RBPMS: variants seen among roughly 807,000 people sequenced by gnomAD.
The protein encoded by RBPMS is RNA-binding protein with multiple splicing.
Under a neutral mutation model 26.8 loss-of-function variants are expected in RBPMS, and 7 were observed. The ratio of observed to expected loss-of-function variants is 0.26; its 90% CI spans 0.15 to 0.49. The LOEUF is 0.49. Ranked by LOEUF, RBPMS falls within the 20% of genes least tolerant of loss-of-function variation. The pLI is 0.98. For synonymous variants in RBPMS, 96 were observed against 93.3 expected (o/e 1.03, Z -0.17); for missense variants, 186 against 250.0 (o/e 0.74, Z 1.73).
intron 1 of RBPMS, among the ~76,000 whole-genome samples, chr8:30,385,919 G>A (rs1332496817): frequency 6.6e-6 from 1 of 152,208 alleles, no homozygotes; most frequent in Admixed American, 6.5e-5. Flanking sequence ...ACAAAATTGA[G>A]TAGATGTGGT....
At chr8:30,409,251 T>C (rs562496607) in intron 1 of RBPMS, among the ~76,000 whole-genome samples, 33 of 151,732 alleles carry the variant, frequency 2.2e-4, no homozygotes, top group Non-Finnish European at 4.1e-4. Context: ...TAGAGTGCAA[T>C]GGTGTGATCT....
chr8:30,555,893 C>CA (rs1826845586), intron 6 of RBPMS: 1 of 985,308 alleles, frequency 1.0e-6, no homozygotes, highest in African/African-American at 1.7e-5. Flanking sequence ...GTGATTAGCG[C>CA]GGAGCAGCTT....
chr8:30,514,069 C>T (rs1325647543), intron 5 of RBPMS, among the ~76,000 whole-genome samples: 4 of 152,076 alleles, frequency 2.6e-5, no homozygotes, highest in African/African-American at 9.7e-5. Context: ...GACAGTGGCA[C>T]CAAAATACAT....
chr8:30,499,418 T>C (rs1820323690), intron 4 of RBPMS, among the ~76,000 whole-genome samples: 1 of 152,176 alleles, frequency 6.6e-6, no homozygotes, highest in Admixed American at 6.5e-5. Flanking sequence ...GAAATATCTG[T>C]CTATAAGAAA....
chr8:30,455,900 T>A (rs1815149972), intron 1 of RBPMS, among the ~76,000 whole-genome samples: 1 of 151,720 alleles, frequency 6.6e-6, no homozygotes, highest in Non-Finnish European at 1.5e-5. Context: ...AAAAAATAAA[T>A]AAAAATAAAT....
At position 30,571,211 on chromosome 8, in the gene RBPMS, G is replaced by A. The variant is rs1298185770; in HGVS notation, c.*686G>A. 1.3e-5 allele frequency: 2 copies of A among 152,190 alleles called. No individual in the cohort carries two copies. Among genetic ancestry groups the A allele is most frequent in the African/African-American group, 2.4e-5 (1 of 41,432 alleles). The allele number at this position is 152,190 out of a possible 1,614,324, so 9.4% of individuals were successfully genotyped here. ...GACAATCAACCAGAAGCCTCCAGGA[G>A]CTTCTACCTATGGCTTATTCACAAC... On this transcript the variant is annotated 3_prime_UTR_variant, in exon 9 of 9. Transcript: ENST00000397323.
chr8:30,482,600 C>G (rs994565974), intron 4 of RBPMS, among the ~76,000 whole-genome samples: 1 of 152,154 alleles, frequency 6.6e-6, no homozygotes, highest in Non-Finnish European at 1.5e-5. Flanking sequence ...TAACAGTGAA[C>G]TTTTATCAGG....
At chr8:30,462,018 TTAG>T (rs1157566723) in intron 1 of RBPMS, among the ~76,000 whole-genome samples, 2 of 152,228 alleles carry the variant, frequency 1.3e-5, no homozygotes, top group African/African-American at 4.8e-5. Flanking sequence ...GTTGCTTGTA[TTAG>T]TAGTTTATTT....
rs139756080 is a variant in RBPMS, at chr8:30,511,013, T to C, written c.397+6577T>C. Among the ~76,000 whole-genome samples the C allele has an allele frequency of 7.2e-5, 11 of 152,200 alleles. No homozygotes were observed. The East Asian group carries it at 2.1e-3, about 30-fold the overall frequency. On this transcript the variant is annotated intron_variant, in intron 5 of 8. Coordinates refer to ENST00000397323, the MANE Select transcript of RBPMS (RefSeq NM_001008710.3). ...CAGGATTTCAGGGCTGGTCAACTTC[T>C]TATTGAAAAAAATCAAGGCCAGGCG...
rs1806794360 is a variant in RBPMS, at chr8:30,384,745, G to GCTTCCTTCCTTCCTTCCTT, written c.-337_-319dup. 4.8e-6 allele frequency: 1 copy of GCTTCCTTCCTTCCTTCCTT among 208,570 alleles called. No homozygotes were observed. Among genetic ancestry groups the GCTTCCTTCCTTCCTTCCTT allele is most frequent in the Non-Finnish European group, 9.5e-6 (1 of 104,920 alleles). 12.9% of individuals were successfully genotyped at this position (208,570 alleles called of 1,614,324 possible). ...GACGCGCGTCCTCGCCCCATCCTTTGCTTCCTTCCTTCCTTCCTTCTTCCT... is the reference window on the plus strand; with the variant it reads ...GACGCGCGTCCTCGCCCCATCCTTTGCTTCCTTCCTTCCTTCCTTCTTCCTTCCTTCCTTCCTTCTTCCT... On this transcript the variant is annotated 5_prime_UTR_variant, in exon 1 of 9. Transcript: ENST00000397323. The surrounding 1 kb of genome is among the most constrained non-coding windows in gnomAD (Gnocchi z 5.6).
intron 1 of RBPMS, among the ~76,000 whole-genome samples, chr8:30,457,730 C>T (rs778907676): frequency 6.6e-6 from 1 of 151,844 alleles, no homozygotes; most frequent in African/African-American, 2.4e-5. Flanking sequence ...GGATTACAGG[C>T]GCACACCACC....
chr8:30,504,475 T>C, intron 5 of RBPMS, 39 bp downstream of exon 5: 7 of 1,595,712 alleles, frequency 4.4e-6, no homozygotes, highest in Non-Finnish European at 6.0e-6. Flanking sequence ...TAATAATAAC[T>C]AAGAACTGTT....
intron 7 of RBPMS, among the ~76,000 whole-genome samples, chr8:30,560,596 G>A (rs745892676): frequency 1.3e-5 from 2 of 152,084 alleles, no homozygotes; most frequent in African/African-American, 2.4e-5. Flanking sequence ...CTTCATATTC[G>A]AGTGTGGCCA....
intron 1 of RBPMS, among the ~76,000 whole-genome samples, chr8:30,449,584 T>C (rs980539422): frequency 2.6e-5 from 4 of 152,198 alleles, no homozygotes; most frequent in African/African-American, 9.6e-5. Context: ...TTGGCCAGGC[T>C]TGTCTCAAAC....
rs58756060 is a variant in RBPMS at position 30,428,020 on chromosome 8, C to CTTTTT, written c.66+42880_66+42884dup. On this transcript the variant is annotated intron_variant, in intron 1 of 8. Coordinates refer to ENST00000397323, the MANE Select transcript of RBPMS (RefSeq NM_001008710.3). The stretch of plus-strand genomic sequence containing the variant: ...CCTTGGCAACAAAATGAGACCCCAT[C>CTTTTT]TTTTTTTTTTTTTTTTTTTTTTGAG... 8.1e-4 allele frequency among the ~76,000 whole-genome samples: 84 copies of CTTTTT among 103,922 alleles called. 1 individual carries two copies. The highest frequency in any genetic ancestry group is 1.0e-3 in the Non-Finnish European group (54 of 52,784). The allele number at this position is 103,922 out of a possible 152,430, so 68.2% of individuals were successfully genotyped here.
intron 5 of RBPMS, among the ~76,000 whole-genome samples, chr8:30,530,430 T>A (rs1401781355): frequency 6.6e-6 from 1 of 152,176 alleles, no homozygotes; most frequent in Non-Finnish European, 1.5e-5. Context: ...AACAACACGG[T>A]TGAATATGTG....
intron 5 of RBPMS, among the ~76,000 whole-genome samples, chr8:30,523,257 A>T (rs1376181764): frequency 4.0e-5 from 6 of 151,802 alleles, no homozygotes; most frequent in Admixed American, 2.0e-4. Context: ...CGTGCCTGTG[A>T]TCCTTGCTGC....
chr8:30,499,951 G>C (rs1047727700), intron 4 of RBPMS, among the ~76,000 whole-genome samples: 3 of 151,358 alleles, frequency 2.0e-5, no homozygotes, highest in African/African-American at 2.4e-5. Context: ...CTGTGCAAAG[G>C]GTATATAGGA....
At chr8:30,502,965 C>T (rs1203744762) in intron 4 of RBPMS, among the ~76,000 whole-genome samples, 2 of 152,156 alleles carry the variant, frequency 1.3e-5, no homozygotes, top group Non-Finnish European at 2.9e-5. Context: ...ATTAGGTATG[C>T]ACAAGGGTAT....
Sources: gnomAD v4.1 joint callset for allele counts (sites outside exome capture counted in the v4.1 genomes callset) on GRCh38, gnomAD v4.1.1 for gene constraint, Gnocchi (gnomAD v3.1) non-coding constraint, MANE v1.5 for transcripts, NCBI Gene and HGNC (gene_info 2026-07-23, HGNC 2026-07-21) for gene names.